DNAH6: variants seen among roughly 807,000 people sequenced by gnomAD.
DNAH6 encodes the protein dynein axonemal heavy chain 6, also known as axonemal beta dynein heavy chain 6.
Under a neutral mutation model 491.4 loss-of-function variants are expected in DNAH6, and 340 were observed. That is an observed-to-expected ratio of 0.69 (90% CI 0.63 to 0.76). The LOEUF is 0.76. DNAH6 is among the 30% of genes least tolerant of loss of function. DNAH6 has a pLI of 0.00. For missense variants in DNAH6, 4,443 were observed against 4,972.2 expected (o/e 0.89, Z 3.20); for synonymous variants, 1,603 against 1,686.1 (o/e 0.95, Z 1.21).
chr2:84,560,359 A>G (rs1415493700), intron 11 of DNAH6, among the ~76,000 whole-genome samples: 13 of 152,132 alleles, frequency 8.5e-5, no homozygotes, highest in Non-Finnish European at 1.8e-4. Context: ...TTTAAAAAAA[A>G]ACTCATGGAA....
intron 10 of DNAH6, 99 bp from the exon 11 acceptor site, chr2:84,557,636 G>A (rs1217121362): frequency 9.2e-5 from 22 of 240,058 alleles, no homozygotes; most frequent in African/African-American, 3.7e-4. Flanking sequence ...CGGCCTGGGC[G>A]ACAGAGCGAG....
chr2:84,770,826 T>A (rs905119377), intron 64 of DNAH6, among the ~76,000 whole-genome samples: 3 of 141,888 alleles, frequency 2.1e-5, no homozygotes, highest in Admixed American at 7.1e-5. Flanking sequence ...CTACAAAAAA[T>A]AATAATAATA....
intron 40 of DNAH6, among the ~76,000 whole-genome samples, chr2:84,673,121 G>C (rs757201827): frequency 6.6e-6 from 1 of 152,134 alleles, no homozygotes; most frequent in Non-Finnish European, 1.5e-5. Flanking sequence ...CCTCCCAGAA[G>C]TGATGGATTC....
intron 62 of DNAH6, among the ~76,000 whole-genome samples, chr2:84,735,796 C>T (rs904401814): frequency 6.6e-6 from 1 of 152,100 alleles, no homozygotes; most frequent in Non-Finnish European, 1.5e-5. Context: ...GCATAGTTTG[C>T]AAATATATTC....
In DNAH6 at chr2:84,805,770, G is replaced by C. The variant is rs1679361413; in HGVS notation, c.11587G>C (p.Ala3863Pro). Residue 3863 changes from alanine to proline, a missense_variant, in exon 71 of 77, where the codon GCT becomes CCT. By Grantham distance (27) the Ala-to-Pro change is conservative. This residue lies in a region of DNAH6 where 1,463 missense variants were observed against 1,656.6 expected (regional missense o/e 0.88). Coordinates refer to ENST00000389394, the MANE Select transcript of DNAH6 (RefSeq NM_001370.2). Reference sequence around the variant, plus strand: ...TGACGAAATTGTTCAAGAACTTGTTGCTTCTGTCCAGACCAGAGTTCCAGG... The same window carrying C: ...TGACGAAATTGTTCAAGAACTTGTTCCTTCTGTCCAGACCAGAGTTCCAGG... ...SNDEIVQELV[A>P]SVQTRVPEKL... 1 of 1,551,286 alleles carries C rather than the reference G, an allele frequency of 6.4e-7. No homozygotes were observed. Among genetic ancestry groups the C allele is most frequent in the Admixed American group, 2.0e-5 (1 of 50,942 alleles).
chr2:84,694,047 A>G (rs765025466), intron 45 of DNAH6, among the ~76,000 whole-genome samples: 10 of 152,200 alleles, frequency 6.6e-5, no homozygotes, highest in Non-Finnish European at 1.0e-4. Flanking sequence ...CCTGTTAGGA[A>G]TGGGGGAAAG....
intron 63 of DNAH6, among the ~76,000 whole-genome samples, chr2:84,747,829 C>T (rs1242052680): frequency 6.6e-6 from 1 of 152,200 alleles, no homozygotes; most frequent in Non-Finnish European, 1.5e-5. Flanking sequence ...GCTGCCAAGC[C>T]TCCTTCACTC....
chr2:84,817,966 A>C (rs1680654415), intron 76 of DNAH6, among the ~76,000 whole-genome samples: 1 of 152,198 alleles, frequency 6.6e-6, no homozygotes, highest in East Asian at 1.9e-4. Flanking sequence ...ATTAAGCCCC[A>C]TCTCCAACAT....
At chr2:84,504,600 C>A in the DNAH6 span, among the ~76,000 whole-genome samples, 1 of 152,138 alleles carries the variant, frequency 6.6e-6, no homozygotes, top group Non-Finnish European at 1.5e-5. Context: ...GTAATCTAAG[C>A]TGTGTCTGCT....
At chr2:84,499,315 C>G in the DNAH6 span, among the ~76,000 whole-genome samples, 1 of 152,266 alleles carries the variant, frequency 6.6e-6, no homozygotes, top group South Asian at 2.1e-4. Flanking sequence ...CTGTGCCTGG[C>G]TTATTTCACT....
intron 29 of DNAH6, among the ~76,000 whole-genome samples, chr2:84,628,948 A>G (rs1688135255): frequency 6.6e-6 from 1 of 152,102 alleles, no homozygotes; most frequent in African/African-American, 2.4e-5. Flanking sequence ...GGTAACTTCT[A>G]TTCTGAATTT....
At chr2:84,555,482 G>A (rs780084809) in intron 10 of DNAH6, among the ~76,000 whole-genome samples, 1 of 151,868 alleles carries the variant, frequency 6.6e-6, no homozygotes, top group Non-Finnish European at 1.5e-5. Context: ...TATCCTTAAG[G>A]GCTCTCTCCT....
chr2:84,512,064 T>C (rs749909747), upstream of DNAH6, among the ~76,000 whole-genome samples: 36 of 152,216 alleles, frequency 2.4e-4, no homozygotes, highest in Non-Finnish European at 4.4e-4. Flanking sequence ...AGAAAGTGTT[T>C]TCTGTTTTTT....
At chr2:84,802,979 T>A (rs1679069721) in intron 70 of DNAH6, among the ~76,000 whole-genome samples, 1 of 151,816 alleles carries the variant, frequency 6.6e-6, no homozygotes, top group Admixed American at 6.6e-5. Context: ...ACAAAGAAAT[T>A]AAGGCAAAAA....
chr2:84,611,137 TTAACAGTGA>T (rs751194011), intron 21 of DNAH6, among the ~76,000 whole-genome samples: 20,742 of 151,718 alleles, frequency 0.14, 2,193 homozygotes, highest in African/African-American at 0.3. Context: ...ATTTATTTTA[TTAACAGTGA>T]TTGTCTAAAA....
intron 42 of DNAH6, 76 bp downstream of exon 42, chr2:84,681,604 T>A: frequency 7.5e-7 from 1 of 1,335,506 alleles, no homozygotes; most frequent in Non-Finnish European, 9.9e-7. Flanking sequence ...CTCAGTAACA[T>A]TGTATGTATG....
chr2:84,567,051 G>T (rs1681275431), intron 11 of DNAH6, among the ~76,000 whole-genome samples: 18 of 151,926 alleles, frequency 1.2e-4, no homozygotes, highest in Admixed American at 1.2e-3. Flanking sequence ...TTCATAAAAA[G>T]GGTTATCTAA....
Position 84,601,640 on chromosome 2 carries a change from T to C in DNAH6, c.2869-2699T>C, listed in dbSNP as rs374125906. Among the ~76,000 whole-genome samples the C allele has an allele frequency of 1.7e-3, 20 of 11,622 alleles. No homozygotes were observed. The East Asian group carries it at 0.18, about 103-fold the overall frequency. 7.6% of individuals were successfully genotyped at this position (11,622 alleles called of 152,430 possible). ...TTTTTTTAGATAGCATAGAATTGAT[T>C]CCTATTTTTTTAATCCAGTCTGACA... On this transcript the variant is annotated intron_variant, in intron 18 of 76. Coordinates refer to ENST00000389394, the MANE Select transcript of DNAH6 (RefSeq NM_001370.2).
chr2:84,678,397 T>A (rs1693460568), intron 41 of DNAH6, among the ~76,000 whole-genome samples: 1 of 152,168 alleles, frequency 6.6e-6, no homozygotes. Context: ...TTTTGAAGTT[T>A]GAAGTGAGTG....
Sources: allele counts gnomAD v4.1 joint callset (sites outside exome capture counted in the v4.1 genomes callset), GRCh38; gene constraint gnomAD v4.1.1; regional missense constraint gnomAD v4.1.1; transcripts MANE v1.5; gene names NCBI Gene and HGNC (gene_info 2026-07-23, HGNC 2026-07-21).